PIR: variants seen among roughly 807,000 people sequenced by gnomAD.
PIR encodes pirin (iron-binding nuclear protein).
In PIR, 22 loss-of-function variants were observed where a neutral mutation model predicts 24.2. That is an observed-to-expected ratio of 0.91 (90% CI 0.65 to 1.30). PIR has a LOEUF of 1.30. Ranked by LOEUF, PIR falls within the 50% of genes most tolerant of loss-of-function variation. PIR has a pLI of 0.00. For synonymous variants in PIR, 80 were observed against 79.6 expected (o/e 1.00, Z -0.03); for missense variants, 220 against 220.3 (o/e 1.00, Z 0.01).
intron 5 of PIR, among the ~76,000 whole-genome samples, chrX:15,455,012 C>A (rs1921027755): frequency 8.9e-6 from 1 of 112,321 alleles, no homozygotes; most frequent in Non-Finnish European, 1.9e-5. Flanking sequence ...AGCCTTGCTT[C>A]ACTTCCTCCC....
At chrX:15,471,339 A>G (rs779409211) in intron 3 of PIR, among the ~76,000 whole-genome samples, 2 of 112,310 alleles carry the variant, frequency 1.8e-5, no homozygotes, top group Non-Finnish European at 3.8e-5. Flanking sequence ...GTTGAGAACC[A>G]CTGACATAGA....
intron 3 of PIR, chrX:15,464,366 G>A: frequency 1.4e-6 from 1 of 737,194 alleles, no homozygotes; most frequent in South Asian, 6.9e-5. Flanking sequence ...TTTATACAAT[G>A]GAAACAACTT....
At chrX:15,434,430 G>A (rs755099670) in intron 5 of PIR, among the ~76,000 whole-genome samples, 275 of 109,864 alleles carry the variant, frequency 2.5e-3, no homozygotes, top group African/African-American at 7.6e-3. Flanking sequence ...GGAAGGAGGA[G>A]GAGGAAGAAG....
At chrX:15,419,343 CTGTG>C (rs34664851) in intron 6 of PIR, among the ~76,000 whole-genome samples, 1,429 of 78,225 alleles carry the variant, frequency 0.018, 20 homozygotes, top group African/African-American at 0.044. Context: ...ATGGATAAGT[CTGTG>C]TGTGTGTGTG....
rs1268846960 is a variant in PIR, at chrX:15,398,687, T to TGTGC, written c.611-1157_611-1156insGCAC. Among the ~76,000 whole-genome samples the TGTGC allele has an allele frequency of 2.8e-3, 254 of 89,418 alleles. 2 individuals carry two copies. Among genetic ancestry groups the TGTGC allele is most frequent in the African/African-American group, 9.0e-3 (234 of 25,957 alleles). The allele number at this position is 89,418 out of a possible 115,157, so 77.6% of individuals were successfully genotyped here. On this transcript the variant is annotated intron_variant, in intron 7 of 9. Coordinates refer to ENST00000380420, the MANE Select transcript of PIR (RefSeq NM_001018109.3). ...GAGGGAGGGTGTGTGTGTGTGTGTG[T>TGTGC]GTGTGTGTGTGTGTGTGTGTGTGAA...
intron 5 of PIR, among the ~76,000 whole-genome samples, chrX:15,451,799 T>C (rs1037524164): frequency 1.8e-5 from 2 of 112,344 alleles, no homozygotes. Context: ...ATACAGACTG[T>C]CCATCAGAAG....
intron 5 of PIR, among the ~76,000 whole-genome samples, chrX:15,426,909 A>G (rs1307100035): frequency 8.9e-6 from 1 of 111,740 alleles, no homozygotes; most frequent in East Asian, 2.8e-4. Context: ...ACAGTCACCT[A>G]AAGACAGGCA....
At chrX:15,439,076 T>A (rs1925836341) in intron 5 of PIR, among the ~76,000 whole-genome samples, 1 of 112,280 alleles carries the variant, frequency 8.9e-6, no homozygotes, top group South Asian at 3.7e-4. Context: ...ACTTCCCTTC[T>A]CCTTCACTCC....
At chrX:15,394,171 T>A (rs1382448574) in intron 8 of PIR, among the ~76,000 whole-genome samples, 2 of 111,440 alleles carry the variant, frequency 1.8e-5, no homozygotes. Context: ...TTAGCATGAC[T>A]TATTGCATGC....
intron 6 of PIR, among the ~76,000 whole-genome samples, chrX:15,423,830 A>G (rs1333201840): frequency 2.7e-5 from 3 of 112,440 alleles, no homozygotes; most frequent in African/African-American, 9.7e-5. Flanking sequence ...AATGCTCAAC[A>G]TTACTAATCA....
chrX:15,395,724 T>C (rs948095023), intron 8 of PIR, among the ~76,000 whole-genome samples: 1 of 112,679 alleles, frequency 8.9e-6, no homozygotes, highest in Non-Finnish European at 1.9e-5. Context: ...TTTTCTGCTG[T>C]AATCTAAAGG....
chrX:15,385,727 G>A (rs1923725722), intron 9 of PIR, among the ~76,000 whole-genome samples: 1 of 112,253 alleles, frequency 8.9e-6, no homozygotes, highest in African/African-American at 3.2e-5. Context: ...GTCAAACAGT[G>A]TCTGTCTCAA....
At chrX:15,444,201 A>T (rs751124768) in intron 5 of PIR, among the ~76,000 whole-genome samples, 5 of 112,087 alleles carry the variant, frequency 4.5e-5, no homozygotes, top group African/African-American at 1.3e-4. Context: ...AAACTGCCAC[A>T]GCCACCCCAA....
intron 5 of PIR, among the ~76,000 whole-genome samples, chrX:15,438,042 T>C (rs953006239): frequency 8.9e-6 from 1 of 112,574 alleles, no homozygotes. Flanking sequence ...ATTTACCACA[T>C]CAACCCATCT....
intron 5 of PIR, 132 bp from the exon 6 acceptor site, chrX:15,426,122 GC>G (rs1171750216): frequency 2.3e-6 from 1 of 426,667 alleles, no homozygotes; most frequent in East Asian, 3.8e-5. Context: ...AAGTGTTAAA[GC>G]CGAGGTGGGC....
At chrX:15,429,294 TA>T (rs1925422479) in intron 5 of PIR, 1 of 112,394 alleles carries the variant, frequency 8.9e-6, no homozygotes, top group African/African-American at 3.2e-5. Context: ...GTATTCATCT[TA>T]AAAATTTTAA....
intron 7 of PIR, among the ~76,000 whole-genome samples, chrX:15,406,387 G>T (rs1204616281): frequency 8.9e-6 from 1 of 112,105 alleles, no homozygotes; most frequent in African/African-American, 3.2e-5. Flanking sequence ...GACAACGAAG[G>T]GTATGTCATC....
intron 8 of PIR, among the ~76,000 whole-genome samples, chrX:15,393,837 T>C: frequency 9.5e-6 from 1 of 105,125 alleles, no homozygotes; most frequent in South Asian, 4.5e-4. Context: ...CTGTCTCCCA[T>C]CAACCCCGGA....
At chrX:15,402,963 A>G (rs1314296005) in intron 7 of PIR, among the ~76,000 whole-genome samples, 2 of 112,285 alleles carry the variant, frequency 1.8e-5, no homozygotes. Flanking sequence ...ACTGAGAACA[A>G]ACATAGGTGC....
Sources: allele counts gnomAD v4.1 joint callset (sites outside exome capture counted in the v4.1 genomes callset), GRCh38; gene constraint gnomAD v4.1.1; transcripts MANE v1.5; gene names NCBI Gene and HGNC (gene_info 2026-07-23, HGNC 2026-07-21).